The following CACNA1E variants were observed in gnomAD, a reference collection of about 807,000 sequenced individuals.
CACNA1E encodes calcium voltage-gated channel subunit alpha1 E, also known as voltage-dependent R-type calcium channel subunit alpha-1E.
CACNA1E carries 40 observed loss-of-function variants against 259.2 expected under a neutral mutation model. The ratio of observed to expected loss-of-function variants is 0.15; its 90% confidence interval spans 0.12 to 0.20. CACNA1E has a LOEUF of 0.20. Among genes scored for constraint, CACNA1E ranks in the 10% least tolerant of loss-of-function variants. CACNA1E has a pLI of 1.00. For synonymous variants in CACNA1E, 1,104 were observed against 1,138.5 expected (o/e 0.97, Z 0.61); for missense variants, 1,874 against 3,040.1 (o/e 0.62, Z 9.02).
At chr1:181,691,897 CAA>C (rs1651198978) in intron 7 of CACNA1E, among the ~76,000 whole-genome samples, 1 of 152,020 alleles carries the variant, frequency 6.6e-6, no homozygotes, top group Non-Finnish European at 1.5e-5. Flanking sequence ...CTAACAATAA[CAA>C]TTCTACATCT....
chr1:181,457,539 T>A (rs1435837102), intron 2 of CACNA1E, among the ~76,000 whole-genome samples: 1 of 152,226 alleles, frequency 6.6e-6, no homozygotes, highest in East Asian at 1.9e-4. Flanking sequence ...TTACTATGAC[T>A]GGTCTTACTT....
chr1:181,623,350 T>C (rs1655896034), intron 6 of CACNA1E, among the ~76,000 whole-genome samples: 1 of 152,238 alleles, frequency 6.6e-6, no homozygotes, highest in Non-Finnish European at 1.5e-5. Context: ...ACACTTTATA[T>C]AATTTTTGTT....
intron 1 of CACNA1E, among the ~76,000 whole-genome samples, chr1:181,331,535 A>G (rs1200321606): frequency 6.6e-6 from 1 of 152,174 alleles, no homozygotes; most frequent in African/African-American, 2.4e-5. Context: ...GCCTTCAGCT[A>G]ATTGGATGGT....
chr1:181,750,679 T>C (rs1201257984), intron 26 of CACNA1E, among the ~76,000 whole-genome samples, 192 bp downstream of exon 26: 2 of 152,220 alleles, frequency 1.3e-5, no homozygotes, highest in Non-Finnish European at 2.9e-5. Context: ...TTTGGATATG[T>C]ATTCGGCTCA....
chr1:181,760,313 C>A (rs948286632), intron 32 of CACNA1E, among the ~76,000 whole-genome samples: 1 of 152,148 alleles, frequency 6.6e-6, no homozygotes, highest in Non-Finnish European at 1.5e-5. Flanking sequence ...GTAAAAGGTA[C>A]CACTAATTCT....
intron 1 of CACNA1E, among the ~76,000 whole-genome samples, chr1:181,318,908 T>C (rs1650134198): frequency 6.6e-6 from 1 of 152,180 alleles, no homozygotes; most frequent in Admixed American, 6.5e-5. Flanking sequence ...TTGAGTCTCC[T>C]TGTGCGAGAG....
chr1:181,341,625 T>C (rs1233804294), intron 1 of CACNA1E, among the ~76,000 whole-genome samples: 1 of 152,128 alleles, frequency 6.6e-6, no homozygotes, highest in East Asian at 1.9e-4. Flanking sequence ...CAGCCCTGCA[T>C]GGGCCCAACA....
chr1:181,375,427 C>A (rs1227892186), intron 1 of CACNA1E, among the ~76,000 whole-genome samples: 2 of 152,256 alleles, frequency 1.3e-5, no homozygotes, highest in East Asian at 3.9e-4. Flanking sequence ...GAGCCAAGAC[C>A]TCTGGGGATA....
rs1348936991 is a variant in CACNA1E, at chr1:181,655,059, TATG to T, written c.1055+3621_1055+3623del. Reference sequence around the variant, plus strand: ...TTAGTGAAAACAAGAATCACTGTGATATGATACCATTTACATAAAACTACATGC... The same window carrying T: ...TTAGTGAAAACAAGAATCACTGTGATATACCATTTACATAAAACTACATGC... On this transcript the variant is annotated intron_variant, in intron 7 of 47. Coordinates refer to ENST00000367573, the MANE Select transcript of CACNA1E (RefSeq NM_001205293.3). 2.0e-5 allele frequency among the ~76,000 whole-genome samples: 3 copies of T among 151,240 alleles called. No homozygotes were observed. In the East Asian group the frequency reaches 5.8e-4, roughly 29 times the overall value.
chr1:181,785,563 G>A (rs1572891782), intron 42 of CACNA1E, 145 bp downstream of exon 42: 9 of 862,996 alleles, frequency 1.0e-5, no homozygotes, highest in Middle Eastern at 2.2e-4. Flanking sequence ...TTCTAGTGAC[G>A]TGGAATTAGA....
chr1:181,709,711 T>C (rs945381431), intron 7 of CACNA1E, among the ~76,000 whole-genome samples: 1 of 152,110 alleles, frequency 6.6e-6, no homozygotes, highest in Admixed American at 6.5e-5. Context: ...CACTGTAACC[T>C]CGAATTCCTG....
intron 6 of CACNA1E, among the ~76,000 whole-genome samples, chr1:181,597,856 A>G (rs1241981952): frequency 6.6e-6 from 1 of 152,120 alleles, no homozygotes; most frequent in Non-Finnish European, 1.5e-5. Flanking sequence ...ATCTTGTGAG[A>G]CTCATTCACT....
At chr1:181,565,589 A>G (rs1473513545) in intron 3 of CACNA1E, among the ~76,000 whole-genome samples, 1 of 152,258 alleles carries the variant, frequency 6.6e-6, no homozygotes, top group African/African-American at 2.4e-5. Flanking sequence ...AACTGTGGCC[A>G]GTAGTGCCAT....
At chr1:181,709,128 A>G (rs1653082775) in intron 7 of CACNA1E, among the ~76,000 whole-genome samples, 1 of 152,222 alleles carries the variant, frequency 6.6e-6, no homozygotes, top group Non-Finnish European at 1.5e-5. Flanking sequence ...AGGGATTGAA[A>G]GAAGCAAAAA....
rs1444063993 is a variant in CACNA1E at position 181,732,423 on chromosome 1, G to A, written c.2337G>A (p.Glu779=). 3.2e-6 allele frequency: 5 copies of A among 1,545,574 alleles called. No homozygotes were observed. Among genetic ancestry groups the A allele is most frequent in the Non-Finnish European group, 2.6e-6 (3 of 1,144,330 alleles). The change falls in exon 20 of 48, where the codon GAG becomes GAA. Residue 779 remains glutamate (E), a synonymous_variant. Transcript: ENST00000367573. The surrounding 1 kb of genome is among the most constrained non-coding windows in gnomAD (Gnocchi z 5.5). Reference sequence around the variant, plus strand: ...GCCGGCACCACATGTCCGTGTGGGAGCAGCGTACCAGCCAGCTGAGGAAGC... The same window carrying A: ...GCCGGCACCACATGTCCGTGTGGGAACAGCGTACCAGCCAGCTGAGGAAGC... ...RRRRHHMSVW[E]QRTSQLRKHM...
At chr1:181,386,208 G>A (rs567074351) in intron 1 of CACNA1E, among the ~76,000 whole-genome samples, 29 of 152,354 alleles carry the variant, frequency 1.9e-4, no homozygotes, top group African/African-American at 7.0e-4. Context: ...AGAATGCAAA[G>A]CAAGAGACCT....
chr1:181,653,773 A>C (rs1252310159), intron 7 of CACNA1E, among the ~76,000 whole-genome samples: 1 of 152,216 alleles, frequency 6.6e-6, no homozygotes, highest in African/African-American at 2.4e-5. Context: ...TTATTTGAAC[A>C]TCCTTAACTT....
chr1:181,717,170 C>A lies in CACNA1E; in HGVS notation c.1393C>A (p.Leu465Met), dbSNP rs775612218. Residue 465 changes from leucine (L) to methionine (M), a missense_variant, in exon 11 of 48, where the codon CTG (leucine) becomes ATG (methionine). Physicochemically the swap from Leu to Met is conservative, Grantham distance 15. Transcript: ENST00000367573. ...TTATTTCCGGCACAAGGAAAGGCTT[C>A]TGCGCATCTCCATTCGCCACATGGT... ...VSYFRHKERL[L>M]RISIRHMVKS... 6.2e-7 allele frequency: 1 copy of A among 1,614,042 alleles called. No homozygotes were observed. Among genetic ancestry groups the A allele is most frequent in the Non-Finnish European group, 8.5e-7 (1 of 1,179,886 alleles).
intron 1 of CACNA1E, among the ~76,000 whole-genome samples, chr1:181,405,679 A>G (rs966920420): frequency 3.3e-5 from 5 of 152,116 alleles, no homozygotes; most frequent in African/African-American, 1.2e-4. Context: ...TTCCTTTTAT[A>G]AGCACTTACT....
Sources: allele counts gnomAD v4.1 joint callset (sites outside exome capture counted in the v4.1 genomes callset), GRCh38; gene constraint gnomAD v4.1.1; non-coding constraint Gnocchi (gnomAD v3.1); transcripts MANE v1.5; gene names NCBI Gene and HGNC (gene_info 2026-07-23, HGNC 2026-07-21).